Variants in CAB39L observed in about 807,000 individuals in gnomAD.
CAB39L encodes the protein calcium-binding protein 39-like.
CAB39L carries 23 observed loss-of-function variants against 39.1 expected under a neutral mutation model. The observed-to-expected ratio is 0.59, with a 90% CI of 0.42 to 0.83. The LOEUF is 0.83. CAB39L is among the 40% of genes least tolerant of loss of function. The pLI, the probability that CAB39L is intolerant of heterozygous loss-of-function variation, is 0.00. For synonymous variants in CAB39L, 126 were observed against 137.2 expected (o/e 0.92, Z 0.57); for missense variants, 366 against 391.9 (o/e 0.93, Z 0.56).
intron 3 of CAB39L, among the ~76,000 whole-genome samples, chr13:49,388,955 ACAAAAGCGGGGGAACATGAC>A (rs1956429704): frequency 6.6e-6 from 1 of 152,174 alleles, no homozygotes; most frequent in Non-Finnish European, 1.5e-5. Context: ...CCTCACCCCA[ACAAAAGCGGGGGAACATGAC>A]CCAGGTTTGG....
chr13:49,361,346 T>C (rs4942818), intron 5 of CAB39L, among the ~76,000 whole-genome samples: 120,948 of 151,382 alleles, frequency 0.8, 48,715 homozygotes, highest in African/African-American at 0.91. Flanking sequence ...GCTGTGGTGG[T>C]GTGCACCTGT....
At chr13:49,385,849 G>A (rs1178497040) in intron 3 of CAB39L, among the ~76,000 whole-genome samples, 1 of 152,122 alleles carries the variant, frequency 6.6e-6, no homozygotes, top group Non-Finnish European at 1.5e-5. Context: ...ACTGATCACA[G>A]ATCACCACAA....
At chr13:49,387,899 G>A (rs1287687291) in intron 3 of CAB39L, among the ~76,000 whole-genome samples, 1 of 152,122 alleles carries the variant, frequency 6.6e-6, no homozygotes, top group South Asian at 2.1e-4. Context: ...TGGGTCTGGG[G>A]CAACTTCAAG....
intron 3 of CAB39L, among the ~76,000 whole-genome samples, chr13:49,399,536 T>C (rs1295683671): frequency 6.6e-6 from 1 of 152,118 alleles, no homozygotes; most frequent in African/African-American, 2.4e-5. Context: ...GTAAAATACA[T>C]GCTTAGACTA....
At chr13:49,322,137 G>A (rs538096476) in intron 10 of CAB39L, among the ~76,000 whole-genome samples, 5 of 151,948 alleles carry the variant, frequency 3.3e-5, no homozygotes, top group Admixed American at 6.6e-5. Flanking sequence ...ATTAGCAGTC[G>A]CCCGCCCCCT....
intron 6 of CAB39L, 73 bp from the exon 7 acceptor site, chr13:49,350,985 C>T: frequency 3.5e-6 from 4 of 1,140,526 alleles, no homozygotes; most frequent in Non-Finnish European, 4.9e-6. Context: ...ATCAAAAGAA[C>T]CATTTCAATA....
At chr13:49,428,895 T>C (rs887597930) in intron 3 of CAB39L, among the ~76,000 whole-genome samples, 8 of 152,158 alleles carry the variant, frequency 5.3e-5, no homozygotes, top group African/African-American at 1.4e-4. Flanking sequence ...AACAAGTCAA[T>C]GATTACAATC....
chr13:49,390,332 G>A (rs918742550), intron 3 of CAB39L, among the ~76,000 whole-genome samples: 2 of 152,068 alleles, frequency 1.3e-5, no homozygotes, highest in East Asian at 1.9e-4. Context: ...CTGCAGCCTC[G>A]AACTCCTGAC....
At chr13:49,359,889 G>A in intron 5 of CAB39L, 57 bp from the exon 6 acceptor site, 1 of 933,260 alleles carries the variant, frequency 1.1e-6, no homozygotes, top group East Asian at 2.4e-5. Context: ...GAATTGTATA[G>A]TATGTGGAAT....
intron 3 of CAB39L, among the ~76,000 whole-genome samples, chr13:49,393,436 GATGT>G (rs1566113582): frequency 6.6e-6 from 1 of 151,954 alleles, no homozygotes; most frequent in Non-Finnish European, 1.5e-5. Context: ...TGTACTTATA[GATGT>G]ATGTGTCTAT....
chr13:49,405,713 G>GAAAGAAAGAA (rs879862632), intron 3 of CAB39L, among the ~76,000 whole-genome samples: 1 of 136,302 alleles, frequency 7.3e-6, no homozygotes, highest in African/African-American at 2.8e-5. Context: ...AAGAAAGAAA[G>GAAAGAAAGAA]AGAGAGAGGA....
intron 3 of CAB39L, among the ~76,000 whole-genome samples, chr13:49,407,227 C>T (rs1032071971): frequency 4.6e-5 from 7 of 151,930 alleles, no homozygotes; most frequent in Non-Finnish European, 5.9e-5. Flanking sequence ...TATTTGAATA[C>T]AAAAAAATGG....
chr13:49,354,987 G>A (rs1955446797), intron 6 of CAB39L, among the ~76,000 whole-genome samples: 1 of 152,118 alleles, frequency 6.6e-6, no homozygotes, highest in Admixed American at 6.5e-5. Flanking sequence ...GGAAATACCT[G>A]GAAAGCTTTT....
intron 5 of CAB39L, among the ~76,000 whole-genome samples, chr13:49,373,681 T>C (rs577346771): frequency 9.2e-5 from 14 of 152,366 alleles, no homozygotes; most frequent in African/African-American, 3.4e-4. Flanking sequence ...TATCTCATTC[T>C]CATTACTACA....
At chr13:49,317,779 T>C (rs894297378) in intron 10 of CAB39L, among the ~76,000 whole-genome samples, 3 of 151,828 alleles carry the variant, frequency 2.0e-5, no homozygotes, top group South Asian at 2.1e-4. Flanking sequence ...CTGAACCAAA[T>C]TGAAAACTTT....
At chr13:49,348,665 C>T (rs1035797970) in intron 7 of CAB39L, among the ~76,000 whole-genome samples, 2 of 152,234 alleles carry the variant, frequency 1.3e-5, no homozygotes, top group African/African-American at 4.8e-5. Context: ...ACCCCCAGCC[C>T]ACCCCAAGTG....
chr13:49,436,913 T>A (rs1193578237), intron 1 of CAB39L, among the ~76,000 whole-genome samples: 1 of 151,996 alleles, frequency 6.6e-6, no homozygotes, highest in Non-Finnish European at 1.5e-5. Context: ...AGACTTTTCA[T>A]CAGCTAAAAT....
At chr13:49,361,753 T>C (rs973676711) in intron 5 of CAB39L, among the ~76,000 whole-genome samples, 5 of 152,120 alleles carry the variant, frequency 3.3e-5, no homozygotes, top group African/African-American at 1.2e-4. Context: ...TCTTCCTTTT[T>C]TCATGAACTC....
chr13:49,396,144 C>T (rs1956619616), intron 3 of CAB39L, among the ~76,000 whole-genome samples: 1 of 151,066 alleles, frequency 6.6e-6, no homozygotes, highest in South Asian at 2.1e-4. Flanking sequence ...CAAAGTTTTC[C>T]CAGGAAAACT....
Sources: allele counts gnomAD v4.1 joint callset (sites outside exome capture counted in the v4.1 genomes callset), GRCh38; gene constraint gnomAD v4.1.1; transcripts MANE v1.5; gene names NCBI Gene and HGNC (gene_info 2026-07-23, HGNC 2026-07-21).